The following THSD4 variants were observed in gnomAD, a reference collection of about 807,000 sequenced individuals.
THSD4 encodes thrombospondin type 1 domain containing 4.
A neutral mutation model predicts 119.0 loss-of-function variants in THSD4; 69 were observed. The ratio of observed to expected loss-of-function variants is 0.58; its 90% CI spans 0.48 to 0.71. The LOEUF (loss-of-function observed/expected upper bound fraction) is 0.71. Among genes scored for constraint, THSD4 ranks in the 30% least tolerant of loss-of-function variants. The pLI, the probability that THSD4 is intolerant of heterozygous loss-of-function variation, is 0.00. For synonymous variants in THSD4, 524 were observed against 540.4 expected, an observed-to-expected ratio of 0.97 and a Z score of 0.42; for missense variants, 1,393 against 1,391.1, an observed-to-expected ratio of 1.00 and a Z score of -0.02.
intron 8 of THSD4, among the ~76,000 whole-genome samples, chr15:71,661,456 T>C (rs182665681): frequency 1.1e-4 from 16 of 151,592 alleles, no homozygotes; most frequent in Non-Finnish European, 2.4e-4. Flanking sequence ...AGTGCAGTGG[T>C]GCGATTTTTG....
chr15:71,610,246 A>G (rs1428542400), intron 7 of THSD4, among the ~76,000 whole-genome samples: 1 of 152,210 alleles, frequency 6.6e-6, no homozygotes, highest in Non-Finnish European at 1.5e-5. Context: ...CATTTTGCCC[A>G]GTGAGATGTG....
intron 7 of THSD4, among the ~76,000 whole-genome samples, chr15:71,487,042 T>C (rs1484770518): frequency 6.6e-6 from 1 of 152,184 alleles, no homozygotes; most frequent in African/African-American, 2.4e-5. Flanking sequence ...ACAGTCTCAG[T>C]TGTGAACTTT....
chr15:71,370,819 C>T (rs2046035118), intron 6 of THSD4, among the ~76,000 whole-genome samples: 1 of 152,170 alleles, frequency 6.6e-6, no homozygotes, highest in East Asian at 1.9e-4. Flanking sequence ...GAGCTGAGTT[C>T]AATTCCTGGA....
Position 71,344,191 on chromosome 15 carries a change from A to G in THSD4, c.1016-67496A>G, listed in dbSNP as rs969619897. Among the ~76,000 whole-genome samples the G allele has an allele frequency of 1.2e-4, 18 of 151,908 alleles. No individual in the cohort carries two copies. The East Asian group carries it at 3.1e-3, about 26-fold the overall frequency. ...GTAGCTGGGACTACAGGTGCCCGCC[A>G]CCACGCCCGACTAAATTTTGTTTTT... On this transcript the variant is annotated intron_variant, in intron 6 of 17. Coordinates refer to ENST00000261862, the MANE Select transcript of THSD4 (RefSeq NM_024817.3).
At chr15:71,148,637 C>G (rs2040689101) in intron 2 of THSD4, among the ~76,000 whole-genome samples, 1 of 152,112 alleles carries the variant, frequency 6.6e-6, no homozygotes, top group South Asian at 2.1e-4. Context: ...ATGATTCTTG[C>G]AAGCAGTGGC....
intron 6 of THSD4, among the ~76,000 whole-genome samples, chr15:71,297,359 G>C (rs1012230240): frequency 9.0e-6 from 1 of 110,742 alleles, no homozygotes; most frequent in East Asian, 2.8e-4. Context: ...TTTCTGAGAC[G>C]GAATCTCGCT....
chr15:71,101,548 G>A (rs946007463), intron 1 of THSD4, among the ~76,000 whole-genome samples: 7 of 151,784 alleles, frequency 4.6e-5, no homozygotes, highest in African/African-American at 1.5e-4. Flanking sequence ...AGTTTCCCTC[G>A]ATTTAATTTC....
At chr15:71,485,377 G>T (rs927235398) in intron 7 of THSD4, among the ~76,000 whole-genome samples, 2 of 152,128 alleles carry the variant, frequency 1.3e-5, no homozygotes, top group Admixed American at 1.3e-4. Flanking sequence ...ACCCCCTAAA[G>T]AATTTTTCTG....
At chr15:71,603,172 G>C (rs2050045510) in intron 7 of THSD4, among the ~76,000 whole-genome samples, 1 of 152,194 alleles carries the variant, frequency 6.6e-6, no homozygotes, top group African/African-American at 2.4e-5. Context: ...TTGCTCCTTG[G>C]TTCAGCTAAA....
At position 71,472,848 on chromosome 15, in the gene THSD4, T is replaced by C. The variant is rs78955128; in HGVS notation, c.1152+61025T>C. Among the ~76,000 whole-genome samples the C allele has an allele frequency of 1.7e-3, 252 of 152,246 alleles. 1 individual carries two copies. Among genetic ancestry groups the C allele is most frequent in the African/African-American group, 5.9e-3 (245 of 41,550 alleles). Reference sequence around the variant, plus strand: ...CATTGTAAATTTAGAAAAACTCCCATGGGAAGGAAATGTAGCCTTTGAAAC... The same window carrying C: ...CATTGTAAATTTAGAAAAACTCCCACGGGAAGGAAATGTAGCCTTTGAAAC... On this transcript the variant is annotated intron_variant, in intron 7 of 17. Coordinates refer to ENST00000261862, the MANE Select transcript of THSD4 (RefSeq NM_024817.3).
intron 7 of THSD4, among the ~76,000 whole-genome samples, chr15:71,453,932 T>A (rs2047301324): frequency 6.6e-6 from 1 of 152,064 alleles, no homozygotes; most frequent in African/African-American, 2.4e-5. Context: ...GTGAAAGAAT[T>A]GCATGGAAAA....
At chr15:71,193,049 C>T (rs775957060) in intron 3 of THSD4, among the ~76,000 whole-genome samples, 4 of 152,184 alleles carry the variant, frequency 2.6e-5, no homozygotes, top group Non-Finnish European at 5.9e-5. Flanking sequence ...GGCTGCAAAC[C>T]GCTGACTGCA....
intron 6 of THSD4, among the ~76,000 whole-genome samples, chr15:71,291,745 C>T (rs2044794003): frequency 6.6e-6 from 1 of 152,220 alleles, no homozygotes; most frequent in Admixed American, 6.5e-5. Context: ...GAAGTTGACA[C>T]ATAAAATTAA....
At chr15:71,764,350 T>C (rs1219055090) in intron 15 of THSD4, among the ~76,000 whole-genome samples, 2 of 152,278 alleles carry the variant, frequency 1.3e-5, no homozygotes, top group Non-Finnish European at 2.9e-5. Flanking sequence ...TGTATGCATT[T>C]TATTTCCATA....
At chr15:71,151,530 T>A (rs2040722410) in intron 2 of THSD4, among the ~76,000 whole-genome samples, 2 of 152,118 alleles carry the variant, frequency 1.3e-5, no homozygotes, top group African/African-American at 4.8e-5. Flanking sequence ...GTTATACAAT[T>A]CCCATTTTAC....
chr15:71,488,889 C>G (rs2047867489), intron 7 of THSD4, among the ~76,000 whole-genome samples: 1 of 152,178 alleles, frequency 6.6e-6, no homozygotes, highest in African/African-American at 2.4e-5. Flanking sequence ...TTCCAGCTCA[C>G]CAATATCTGA....
intron 7 of THSD4, among the ~76,000 whole-genome samples, chr15:71,566,623 C>A (rs896695031): frequency 1.3e-5 from 2 of 152,096 alleles, no homozygotes; most frequent in Non-Finnish European, 2.9e-5. Context: ...AATTCCCCAT[C>A]CCTACCTTTC....
intron 7 of THSD4, among the ~76,000 whole-genome samples, chr15:71,652,626 C>G (rs909625618): frequency 6.6e-6 from 1 of 152,100 alleles, no homozygotes; most frequent in East Asian, 1.9e-4. Context: ...ATATGTTTAC[C>G]TCTCGGGACT....
Position 71,283,729 on chromosome 15 carries a change from A to G in THSD4, c.1015+27014A>G, listed in dbSNP as rs1596313617. 2.0e-5 allele frequency among the ~76,000 whole-genome samples: 3 copies of G among 152,356 alleles called. No homozygotes were observed. In the East Asian group the frequency reaches 5.8e-4, roughly 29 times the overall value. On this transcript the variant is annotated intron_variant, in intron 6 of 17. Transcript: ENST00000261862. ...AGCTAGTAAGCGGCTTTAACTCATC[A>G]CAAAGATTGGTCATCATGGGAAATT...
Sources: allele counts gnomAD v4.1 joint callset (sites outside exome capture counted in the v4.1 genomes callset), GRCh38; gene constraint gnomAD v4.1.1; transcripts MANE v1.5; gene names NCBI Gene and HGNC (gene_info 2026-07-23, HGNC 2026-07-21).